Variants in SV2C observed in about 807,000 individuals in gnomAD.
SV2C encodes the protein synaptic vesicle glycoprotein 2C, also known as solute carrier family 22 member B3.
A neutral mutation model predicts 79.7 loss-of-function variants in SV2C; 49 were observed. That is an observed-to-expected ratio of 0.61 (90% CI 0.49 to 0.78). SV2C has a LOEUF of 0.78. Ranked by LOEUF, SV2C falls within the 30% of genes least tolerant of loss-of-function variation. The pLI is 0.00. For missense variants in SV2C, 833 were observed against 912.9 expected, an observed-to-expected ratio of 0.91 and a Z score of 1.13; for synonymous variants, 334 against 333.2, an observed-to-expected ratio of 1.00 and a Z score of -0.03.
chr5:76,017,859 A>G, the SV2C span, among the ~76,000 whole-genome samples: 2 of 152,188 alleles, frequency 1.3e-5, no homozygotes, highest in Admixed American at 6.5e-5. Flanking sequence ...GGTAGGAAGA[A>G]AAACTACACT....
At chr5:76,211,699 C>T (rs1744772891) in intron 4 of SV2C, among the ~76,000 whole-genome samples, 1 of 152,186 alleles carries the variant, frequency 6.6e-6, no homozygotes, top group African/African-American at 2.4e-5. Flanking sequence ...TTATAAAACA[C>T]AGTTCTGTTA....
Position 76,216,061 on chromosome 5 carries a change from G to T in SV2C, c.913+6174G>T, listed in dbSNP as rs189127644. On this transcript the variant is annotated intron_variant, in intron 4 of 12. Coordinates refer to ENST00000502798, the MANE Select transcript of SV2C (RefSeq NM_014979.4). ...AGGATTCTTGTGAAGTTAGACACTG[G>T]AATAAGGGATTGGATTGCTCTAAGG... 7.9e-5 allele frequency among the ~76,000 whole-genome samples: 12 copies of T among 151,554 alleles called. 1 individual carries two copies. The highest frequency in any genetic ancestry group is 6.8e-4 in the Admixed American group (10 of 14,668).
At chr5:75,968,793 G>A in the SV2C span, among the ~76,000 whole-genome samples, 1 of 152,170 alleles carries the variant, frequency 6.6e-6, no homozygotes, top group Admixed American at 6.5e-5. Context: ...TATCAAAGTA[G>A]GCCAACATTC....
chr5:76,210,199 G>A (rs1225278160), intron 4 of SV2C, among the ~76,000 whole-genome samples: 3 of 152,204 alleles, frequency 2.0e-5, no homozygotes, highest in East Asian at 1.9e-4. Context: ...CAACAGCTGG[G>A]TGTGCTACAA....
chr5:75,991,661 T>C, the SV2C span, among the ~76,000 whole-genome samples: 4 of 149,392 alleles, frequency 2.7e-5, no homozygotes, highest in South Asian at 4.2e-4. Context: ...TGCAAAACCA[T>C]CAGATATATA....
the SV2C span, among the ~76,000 whole-genome samples, chr5:75,922,274 C>G: frequency 2.0e-5 from 3 of 152,090 alleles, no homozygotes; most frequent in Admixed American, 6.6e-5. Flanking sequence ...CCTTTCCCCC[C>G]AGTCTATCAA....
chr5:76,068,499 T>C, the SV2C span, among the ~76,000 whole-genome samples: 2 of 152,100 alleles, frequency 1.3e-5, no homozygotes, highest in African/African-American at 2.4e-5. Context: ...TGTTCCATAG[T>C]GTGTGTGTGC....
At chr5:76,131,232 T>C (rs192003285) in intron 1 of SV2C, among the ~76,000 whole-genome samples, 71 of 152,340 alleles carry the variant, frequency 4.7e-4, no homozygotes, top group African/African-American at 1.6e-3. Flanking sequence ...ATTCTTCTAA[T>C]ACTCTGGTTT....
chr5:76,018,683 A>G, the SV2C span, among the ~76,000 whole-genome samples: 12 of 152,210 alleles, frequency 7.9e-5, no homozygotes, highest in African/African-American at 2.9e-4. Context: ...CGCTATTTTA[A>G]TGATGTAATT....
At chr5:76,298,762 G>A in intron 9 of SV2C, 32 bp from the exon 10 acceptor site, 1 of 1,609,208 alleles carries the variant, frequency 6.2e-7, no homozygotes, top group South Asian at 1.1e-5. Context: ...CACAGTCATT[G>A]ATTGATATGA....
chr5:75,948,669 GC>G, the SV2C span, among the ~76,000 whole-genome samples: 1 of 151,930 alleles, frequency 6.6e-6, no homozygotes, highest in East Asian at 1.9e-4. Context: ...GGGGAAGTGA[GC>G]CATGCAAATA....
At chr5:76,350,987 C>T (rs1749631532) in intron 12 of SV2C, among the ~76,000 whole-genome samples, 1 of 149,228 alleles carries the variant, frequency 6.7e-6, no homozygotes, top group Non-Finnish European at 1.5e-5. Flanking sequence ...GCACTCCTGC[C>T]TGCTGATAGA....
At chr5:75,936,446 C>G in the SV2C span, among the ~76,000 whole-genome samples, 38,209 of 151,982 alleles carry the variant, frequency 0.25, 5,835 homozygotes, top group East Asian at 0.45. Context: ...AATTAATTTC[C>G]AACTATTAAT....
chr5:76,024,869 G>A, the SV2C span, among the ~76,000 whole-genome samples: 1 of 152,196 alleles, frequency 6.6e-6, no homozygotes, highest in African/African-American at 2.4e-5. Flanking sequence ...CTGCTTGTAA[G>A]TGGGCCCACA....
chr5:75,998,849 G>A, the SV2C span, among the ~76,000 whole-genome samples: 1 of 151,480 alleles, frequency 6.6e-6, no homozygotes, highest in Non-Finnish European at 1.5e-5. Context: ...TCTCTCTATT[G>A]TATATATACA....
At chr5:76,273,146 GATATAT>G (rs369657969) in intron 4 of SV2C, among the ~76,000 whole-genome samples, 67 of 129,104 alleles carry the variant, frequency 5.2e-4, no homozygotes, top group East Asian at 2.4e-3. Context: ...TTACAAAAAA[GATATAT>G]ATATATATAT....
intron 4 of SV2C, among the ~76,000 whole-genome samples, chr5:76,212,657 G>A (rs1744800217): frequency 6.6e-6 from 1 of 152,010 alleles, no homozygotes; most frequent in East Asian, 1.9e-4. Context: ...TTCACCTGCT[G>A]GCCTTCTTAA....
the SV2C span, among the ~76,000 whole-genome samples, chr5:75,880,196 T>G: frequency 6.6e-6 from 1 of 152,132 alleles, no homozygotes; most frequent in Admixed American, 6.5e-5. Flanking sequence ...GCCTTTTTTT[T>G]TTTCATTTTC....
chr5:76,045,877 G>T, the SV2C span, among the ~76,000 whole-genome samples: 1 of 152,158 alleles, frequency 6.6e-6, no homozygotes, highest in South Asian at 2.1e-4. Context: ...TCTAGTGATG[G>T]TTAATAGGTT....
Sources: allele counts gnomAD v4.1 joint callset (sites outside exome capture counted in the v4.1 genomes callset), GRCh38; gene constraint gnomAD v4.1.1; transcripts MANE v1.5; gene names NCBI Gene and HGNC (gene_info 2026-07-23, HGNC 2026-07-21).